Variants in GRK1 observed in about 807,000 individuals in gnomAD.
The protein encoded by GRK1 is rhodopsin kinase GRK1.
Under a neutral mutation model 41.7 loss-of-function variants are expected in GRK1, and 28 were observed. The observed-to-expected ratio is 0.67, with a 90% CI of 0.50 to 0.92. GRK1 has a LOEUF of 0.92. Ranked by LOEUF, GRK1 falls within the 40% of genes least tolerant of loss-of-function variation. GRK1 has a pLI of 0.00. For missense variants in GRK1, 703 were observed against 671.2 expected (o/e 1.05, Z -0.52); for synonymous variants, 327 against 286.7 (o/e 1.14, Z -1.42).
Position 113,731,723 on chromosome 13 carries a change from G to A in GRK1, c.1194+380G>A, listed in dbSNP as rs188347382. Among the ~76,000 whole-genome samples the A allele has an allele frequency of 6.6e-6, 1 of 152,262 alleles. No individual in the cohort carries two copies. The highest frequency in any genetic ancestry group is 2.4e-5 in the African/African-American group (1 of 41,556). ...TATCCCACTGTTGCCCCAGACCCTG[G>A]GCAGTGGGACAAACCACCTTTTGTG... On this transcript the variant is annotated intron_variant, in intron 5 of 6. Coordinates refer to ENST00000335678, the MANE Select transcript of GRK1 (RefSeq NM_002929.3). The surrounding 1 kb of genome is among the most constrained non-coding windows in gnomAD (Gnocchi z 5.6).
the GRK1 span, chr13:113,657,942 C>T: frequency 1.9e-6 from 2 of 1,071,122 alleles, no homozygotes; most frequent in Middle Eastern, 3.0e-4. Context: ...TGTCAGGGGC[C>T]CTCTGCTCCC....
Position 113,667,828 on chromosome 13 carries a change from C to G in GRK1, c.442C>G (p.Pro148Ala). The change falls in exon 1 of 7, where the codon CCC becomes GCC. Residue 148 changes from proline to alanine, a missense_variant. Physicochemically the swap from Pro to Ala is conservative, Grantham distance 27. Transcript: ENST00000335678. The surrounding 1 kb of genome is among the most constrained non-coding windows in gnomAD (Gnocchi z 7.5). ...PVEIQDGLFQ[P>A]LLQATLAHLG... ...GGAGATCCAGGACGGGCTCTTCCAG[C>G]CCCTGCTGCAGGCCACCCTGGCACA... 2 of 1,594,564 alleles carry G rather than the reference C, an allele frequency of 1.3e-6. No individual in the cohort carries two copies. Among genetic ancestry groups the G allele is most frequent in the Non-Finnish European group, 1.7e-6 (2 of 1,168,724 alleles).
rs566019826 is a variant in GRK1, at chr13:113,669,733, T to C, written c.746T>C (p.Phe249Ser). 8 of 1,613,988 alleles carry C rather than the reference T, an allele frequency of 5.0e-6. No homozygotes were observed. The South Asian group carries it at 7.7e-5, about 16-fold the overall frequency. The change falls in exon 2 of 7, where the codon TTC becomes TCC. Residue 249 changes from phenylalanine (F) to serine (S), a missense_variant. Physicochemically the swap from Phe to Ser is radical, Grantham distance 155. Transcript: ENST00000335678. ...ATTCTGATGAAAGTACACAGCAGGTTCATCGTGTCTCTGGCCTATGCGTTT... is the reference window on the plus strand; with the variant it reads ...ATTCTGATGAAAGTACACAGCAGGTCCATCGTGTCTCTGGCCTATGCGTTT... ...KKILMKVHSRFIVSLAYAFET... is the reference protein window; with the variant it reads ...KKILMKVHSRSIVSLAYAFET...
the GRK1 span, chr13:113,658,290 G>A: frequency 3.1e-5 from 23 of 749,550 alleles, no homozygotes; most frequent in South Asian, 4.4e-4. Flanking sequence ...GGCCAGGGCC[G>A]TTTATCAGCG....
In GRK1 at chr13:113,667,656, A is replaced by G; in HGVS notation, c.270A>G (p.Lys90=). The change falls in exon 1 of 7, where the codon AAA becomes AAG. Residue 90 remains lysine, a synonymous_variant. Transcript: ENST00000335678. The surrounding 1 kb of genome is among the most constrained non-coding windows in gnomAD (Gnocchi z 7.5). ...EKHLPALELW[K]DIEDYDTADN... ...ACCTGCCGGCCCTGGAGCTCTGGAA[A>G]GACATCGAGGACTATGACACGGCAG... The G allele has an allele frequency of 1.2e-6, 2 of 1,613,598 alleles. No homozygotes were observed. The highest frequency in any genetic ancestry group is 2.2e-5 in the South Asian group (2 of 91,078).
At chr13:113,727,713 A>T (rs2049899332) in intron 4 of GRK1, among the ~76,000 whole-genome samples, 1 of 127,624 alleles carries the variant, frequency 7.8e-6, no homozygotes, top group Non-Finnish European at 1.7e-5. Context: ...GATGAGGAGT[A>T]CCCATGGCGA....
chr13:113,733,838 C>CAT lies in GRK1; in HGVS notation c.1396+753_1396+754insAT, dbSNP rs2049970192. ...ACGTGTGTGCGTGTGTGTGCACGTG[C>CAT]GTGTGCATGTGTATGTGTGCATACG... is the stretch of plus-strand genomic sequence containing the variant. On this transcript the variant is annotated intron_variant, in intron 6 of 6. Transcript: ENST00000335678. 1.1e-4 allele frequency among the ~76,000 whole-genome samples: 9 copies of CAT among 81,250 alleles called. 1 individual carries two copies. The highest frequency in any genetic ancestry group is 1.1e-3 in the Admixed American group (8 of 7,418). The allele number at this position is 81,250 out of a possible 152,430, so 53.3% of individuals were successfully genotyped here.
chr13:113,725,285 GGT>G (rs2049884336), intron 4 of GRK1, among the ~76,000 whole-genome samples: 1 of 151,308 alleles, frequency 6.6e-6, no homozygotes, highest in Non-Finnish European at 1.5e-5. Context: ...GGGCGGGGCC[GGT>G]CATGCGCGGT....
chr13:113,665,730 C>A (rs1314418010), upstream of GRK1, among the ~76,000 whole-genome samples: 1 of 143,112 alleles, frequency 7.0e-6, no homozygotes, highest in Non-Finnish European at 1.5e-5. Context: ...CAGGTGTGCC[C>A]CAGCTGTCCC....
chr13:113,667,516 C>G lies in GRK1; in HGVS notation c.130C>G (p.Leu44Val). 6.2e-7 allele frequency: 1 copy of G among 1,613,306 alleles called. No homozygotes were observed. The highest frequency in any genetic ancestry group is 8.5e-7 in the Non-Finnish European group (1 of 1,179,814). The change falls in exon 1 of 7, where the codon CTG becomes GTG. Residue 44 changes from leucine (L) to valine (V), a missense_variant. Physicochemically the swap from Leu to Val is conservative, Grantham distance 32. Transcript: ENST00000335678. The surrounding 1 kb of genome is among the most constrained non-coding windows in gnomAD (Gnocchi z 7.5). ...CCTGGCCAAGCTCAAGCTGCCCCCG[C>G]TGTCCAAGTGTGAGTCCCTCCGCGA... ...KYLAKLKLPPLSKCESLRDSL... is the reference protein window; with the variant it reads ...KYLAKLKLPPVSKCESLRDSL...
chr13:113,731,462 G>T lies in GRK1; in HGVS notation c.1194+119G>T, dbSNP rs557748716. ...CTGGGAGTTGTTCTGTGGGCCCTGGGGTGGGGAGGGCACAGATTCACGTGC... is the reference window on the plus strand; with the variant it reads ...CTGGGAGTTGTTCTGTGGGCCCTGGTGTGGGGAGGGCACAGATTCACGTGC... On this transcript the variant is annotated intron_variant, in intron 5 of 6. Transcript: ENST00000335678. This position sits in a 1 kb window ranked among gnomAD's most constrained non-coding sequence, Gnocchi z 5.6. The T allele has an allele frequency of 7.9e-6, 11 of 1,388,200 alleles. No individual in the cohort carries two copies. The East Asian group carries it at 2.3e-4, about 29-fold the overall frequency. The allele number at this position is 1,388,200 out of a possible 1,614,324, so 86.0% of individuals were successfully genotyped here. A position where few individuals can be genotyped will look rare whatever the true frequency, so the allele number is the denominator to read the frequency against.
chr13:113,733,758 CGT>C lies in GRK1; in HGVS notation c.1396+678_1396+679del, dbSNP rs571632551. ...GTGTATGTGTGCATACATGTGTGTGCGTGTGTATGTGTGTGCATACGTGTGTG... is the reference window on the plus strand; with the variant it reads ...GTGTATGTGTGCATACATGTGTGTGCGTGTATGTGTGTGCATACGTGTGTG... On this transcript the variant is annotated intron_variant, in intron 6 of 6. Transcript: ENST00000335678. Among the ~76,000 whole-genome samples the C allele has an allele frequency of 7.6e-5, 7 of 91,874 alleles. No homozygotes were observed. In the South Asian group the frequency reaches 8.6e-4, roughly 11 times the overall value. The allele number at this position is 91,874 out of a possible 152,430, so 60.3% of individuals were successfully genotyped here. A position where few individuals can be genotyped will look rare whatever the true frequency, so the allele number is the denominator to read the frequency against.
chr13:113,672,215 G>A (rs1445062770), intron 3 of GRK1, among the ~76,000 whole-genome samples: 1 of 151,632 alleles, frequency 6.6e-6, no homozygotes, highest in South Asian at 2.1e-4. Flanking sequence ...TGTGTGTGGT[G>A]TGTGTGTGGC....
At chr13:113,733,655 G>A (rs1334236013) in intron 6 of GRK1, among the ~76,000 whole-genome samples, 1 of 89,232 alleles carries the variant, frequency 1.1e-5, no homozygotes, top group Non-Finnish European at 2.1e-5. Flanking sequence ...GTGCATACGT[G>A]TGTGTGCGTG....
At position 113,731,428 on chromosome 13, in the gene GRK1, G is replaced by A; in HGVS notation, c.1194+85G>A. 6.6e-7 allele frequency: 1 copy of A among 1,507,478 alleles called. No homozygotes were observed. The highest frequency in any genetic ancestry group is 8.9e-7 in the Non-Finnish European group (1 of 1,128,284). The allele number at this position is 1,507,478 out of a possible 1,614,324, so 93.4% of individuals were successfully genotyped here. A position where few individuals can be genotyped will look rare whatever the true frequency, so the allele number is the denominator to read the frequency against. On this transcript the variant is annotated intron_variant, in intron 5 of 6. Transcript: ENST00000335678. This position sits in a 1 kb window ranked among gnomAD's most constrained non-coding sequence, Gnocchi z 5.6. Reference sequence around the variant, plus strand: ...ACGGGGCAGTGATGGGATCGTTACTGGGGCAGACCTGGGAGTTGTTCTGTG... The same window carrying A: ...ACGGGGCAGTGATGGGATCGTTACTAGGGCAGACCTGGGAGTTGTTCTGTG...
intron 6 of GRK1, chr13:113,734,831 C>G: frequency 2.5e-6 from 1 of 406,306 alleles, no homozygotes; most frequent in South Asian, 8.1e-5. Context: ...AAAATGAGCC[C>G]TGGGATCTCA....
Position 113,669,726 on chromosome 13 carries a change from A to G in GRK1, c.739A>G (p.Ser247Gly). The part of the protein sequence containing the change: ...VEKKILMKVH[S>G]RFIVSLAYAF... ...GAAGAAGATTCTGATGAAAGTACAC[A>G]GCAGGTTCATCGTGTCTCTGGCCTA... The change falls in exon 2 of 7, where the codon AGC (serine) becomes GGC (glycine). Residue 247 changes from serine to glycine, a missense_variant. Coordinates refer to ENST00000335678, the MANE Select transcript of GRK1 (RefSeq NM_002929.3). The G allele has an allele frequency of 1.9e-6, 3 of 1,614,022 alleles. No individual in the cohort carries two copies. The highest frequency in any genetic ancestry group is 2.5e-6 in the Non-Finnish European group (3 of 1,179,880).
chr13:113,656,763 C>CG, the GRK1 span, among the ~76,000 whole-genome samples: 3 of 152,196 alleles, frequency 2.0e-5, no homozygotes, highest in African/African-American at 7.2e-5. Flanking sequence ...CCATGTCTAC[C>CG]GGCCAGGCAG....
chr13:113,653,064 G>A, the GRK1 span: 2 of 1,609,332 alleles, frequency 1.2e-6, no homozygotes, highest in Non-Finnish European at 8.5e-7. Flanking sequence ...TGGGCTGCTG[G>A]AGAGTAGCCT....
Sources: allele counts gnomAD v4.1 joint callset (sites outside exome capture counted in the v4.1 genomes callset), GRCh38; gene constraint gnomAD v4.1.1; non-coding constraint Gnocchi (gnomAD v3.1); transcripts MANE v1.5; gene names NCBI Gene and HGNC (gene_info 2026-07-23, HGNC 2026-07-21).